The following TAS2R14 variants were observed in gnomAD, a reference collection of about 807,000 sequenced individuals.
The protein encoded by TAS2R14 is taste receptor type 2 member 14.
For synonymous variants in TAS2R14, 131 were observed against 131.0 expected (o/e 1.00, Z 0.00); for missense variants, 383 against 372.0 (o/e 1.03, Z -0.24).
chr12:10,938,067 G>T (rs1490803891), exon 1 of TAS2R14: 3 of 479,664 alleles, frequency 6.3e-6, no homozygotes, highest in Admixed American at 7.6e-5. Flanking sequence ...TATAGTATTC[G>T]CATTCTTCTC....
chr12:10,938,935 C>G (rs1950343760), exon 1 of TAS2R14: 1 of 1,613,820 alleles, frequency 6.2e-7, no homozygotes, highest in African/African-American at 1.3e-5. Flanking sequence ...AATGATTGAT[C>G]ACTGTCCAGA....
exon 1 of TAS2R14, chr12:10,938,151 T>A: frequency 1.3e-6 from 1 of 777,190 alleles, no homozygotes; most frequent in Non-Finnish European, 2.0e-6. Context: ...CAAGCATATC[T>A]TTGTAAAATT....
exon 1 of TAS2R14, chr12:10,938,376 A>G (rs974966132): frequency 3.7e-6 from 6 of 1,614,088 alleles, no homozygotes; most frequent in Non-Finnish European, 5.1e-6. Flanking sequence ...ATCAGAACAC[A>G]TGAGTGACAT....
exon 1 of TAS2R14, chr12:10,938,402 C>T (rs1299968288): frequency 6.2e-7 from 1 of 1,614,050 alleles, no homozygotes; most frequent in Admixed American, 1.7e-5. Flanking sequence ...ATAAGCCATT[C>T]CCATCACCTG....
At chr12:10,937,839 T>A (rs3936285) in exon 1 of TAS2R14, 2,347 of 154,432 alleles carry the variant, frequency 0.015, 21 homozygotes, top group South Asian at 0.031. Flanking sequence ...TATACAAAAA[T>A]TAAAAACACT....
exon 1 of TAS2R14, chr12:10,938,455 A>G (rs1405045128): frequency 6.2e-7 from 1 of 1,614,056 alleles, no homozygotes. Flanking sequence ...CAGAGGTCCA[A>G]ACTGATATGA....
exon 1 of TAS2R14, chr12:10,937,542 G>C (rs1950308871): frequency 6.6e-6 from 1 of 152,012 alleles, no homozygotes; most frequent in African/African-American, 2.4e-5. Context: ...TAAAACACTA[G>C]AAAACACTCC....
exon 1 of TAS2R14, chr12:10,939,160 T>C: frequency 1.2e-6 from 2 of 1,601,684 alleles, no homozygotes; most frequent in East Asian, 4.5e-5. Context: ...CAATTATAAA[T>C]TCCACAATTA....
rs561760504 is a variant in TAS2R14, at chr12:10,938,207, A to G, written c.*47T>C. On this transcript the variant is annotated 3_prime_UTR_variant, in exon 1 of 1. Transcript: ENST00000537503. ...AAGAATCTTAAGGAAGTATAAATTT[A>G]TATAACATACAAGAATTTCTTAGGA... 11 of 1,265,186 alleles carry G rather than the reference A, an allele frequency of 8.7e-6. No individual in the cohort carries two copies. In the South Asian group the frequency reaches 1.6e-4, roughly 19 times the overall value. The allele number at this position is 1,265,186 out of a possible 1,614,324, so 78.4% of individuals were successfully genotyped here. A position where few individuals can be genotyped will look rare whatever the true frequency, so the allele number is the denominator to read the frequency against.
exon 1 of TAS2R14, chr12:10,938,768 A>G: frequency 6.2e-7 from 1 of 1,613,524 alleles, no homozygotes; most frequent in Non-Finnish European, 8.5e-7. Flanking sequence ...GATGTTTATC[A>G]GTGCAATATT....
exon 1 of TAS2R14, chr12:10,938,979 C>T (rs1950345232): frequency 4.3e-6 from 7 of 1,612,776 alleles, no homozygotes; most frequent in Non-Finnish European, 5.1e-6. Flanking sequence ...TTTTCAGTGG[C>T]AAATAAAGCT....
At chr12:10,938,166 AAGTT>A in exon 1 of TAS2R14, 1 of 916,038 alleles carries the variant, frequency 1.1e-6, no homozygotes, top group Non-Finnish European at 1.6e-6. Context: ...AAAATTCACA[AAGTT>A]ATACACAATG....
exon 1 of TAS2R14, chr12:10,939,178 T>C: frequency 6.3e-7 from 1 of 1,593,020 alleles, no homozygotes; most frequent in Non-Finnish European, 8.5e-7. Flanking sequence ...TTAAAACGAA[T>C]GTAAATATGC....
chr12:10,938,423 A>G, exon 1 of TAS2R14: 1 of 1,614,092 alleles, frequency 6.2e-7, no homozygotes. Flanking sequence ...GGAAAGAATA[A>G]TTAGATTTTC....
exon 1 of TAS2R14, chr12:10,938,904 C>T: frequency 6.2e-7 from 1 of 1,613,938 alleles, no homozygotes; most frequent in Non-Finnish European, 8.5e-7. Context: ...GTACCGAGGC[C>T]TGTAGCTAAC....
chr12:10,939,203 C>T (rs757612514), exon 1 of TAS2R14: 10 of 1,547,826 alleles, frequency 6.5e-6, no homozygotes, highest in South Asian at 1.2e-5. Context: ...TATGACACCA[C>T]CCATTGCCTG....
exon 1 of TAS2R14, chr12:10,938,404 C>T (rs550743983): frequency 1.2e-6 from 2 of 1,614,050 alleles, no homozygotes; most frequent in South Asian, 2.2e-5. Flanking sequence ...AAGCCATTCC[C>T]ATCACCTGGG....
At chr12:10,938,930 T>C (rs1197711090) in exon 1 of TAS2R14, 3 of 1,613,906 alleles carry the variant, frequency 1.9e-6, no homozygotes. Flanking sequence ...ACTAAAATGA[T>C]TGATCACTGT....
At chr12:10,938,386 T>A in exon 1 of TAS2R14, 1 of 1,613,992 alleles carries the variant, frequency 6.2e-7, no homozygotes, top group Non-Finnish European at 8.5e-7. Flanking sequence ...ATGAGTGACA[T>A]GAAGGATAAG....
Sources: allele counts gnomAD v4.1 joint callset, GRCh38; gene constraint gnomAD v4.1.1; transcripts MANE v1.5; gene names NCBI Gene and HGNC (gene_info 2026-07-23, HGNC 2026-07-21).